BLNK: variants seen among roughly 807,000 people sequenced by gnomAD.
BLNK encodes the protein B-cell linker protein.
Under a neutral mutation model 73.5 loss-of-function variants are expected in BLNK, and 29 were observed. That is an observed-to-expected ratio of 0.39 (90% CI 0.29 to 0.54). BLNK has a LOEUF of 0.54. Among genes scored for constraint, BLNK ranks in the 20% least tolerant of loss-of-function variants. The probability of loss-of-function intolerance (pLI) is 0.61; values close to 1 mark genes in which losing one functional copy is unlikely to be tolerated. For missense variants in BLNK, 460 were observed against 562.8 expected, an observed-to-expected ratio of 0.82 and a Z score of 1.85; for synonymous variants, 176 against 200.8, an observed-to-expected ratio of 0.88 and a Z score of 1.04.
intron 1 of BLNK, among the ~76,000 whole-genome samples, chr10:96,262,213 G>A (rs1554913084): frequency 6.6e-6 from 1 of 152,176 alleles, no homozygotes; most frequent in Non-Finnish European, 1.5e-5. Context: ...GCTAGTGACA[G>A]ATGACTCAGT....
chr10:96,191,012 G>T lies in BLNK; in HGVS notation c.*961C>A, dbSNP rs1429026523. ...AGCTCCCATAATCCCCACGTGCCAT[G>T]GGAGGGACCTGGTGGGAGGTAACTG... On this transcript the variant is annotated 3_prime_UTR_variant, in exon 17 of 17. Coordinates refer to ENST00000224337, the MANE Select transcript of BLNK (RefSeq NM_013314.4). 6.6e-6 allele frequency among the ~76,000 whole-genome samples: 1 copy of T among 152,142 alleles called. No individual in the cohort carries two copies. The highest frequency in any genetic ancestry group is 2.4e-5 in the African/African-American group (1 of 41,424).
intron 2 of BLNK, among the ~76,000 whole-genome samples, chr10:96,244,103 C>T (rs1299702716): frequency 6.6e-6 from 1 of 152,128 alleles, no homozygotes; most frequent in African/African-American, 2.4e-5. Context: ...CATAGAAATT[C>T]TGGTTTTCTT....
chr10:96,191,850 C>A lies in BLNK; in HGVS notation c.*123G>T. On this transcript the variant is annotated 3_prime_UTR_variant, in exon 17 of 17. Coordinates refer to ENST00000224337, the MANE Select transcript of BLNK (RefSeq NM_013314.4). ...TGGATGACCACTTCAATAGCTGACT[C>A]CATCTTCCATTTTATTACTGGATGA... 7.5e-7 allele frequency: 1 copy of A among 1,330,648 alleles called. No homozygotes were observed. The highest frequency in any genetic ancestry group is 1.2e-5 in the South Asian group (1 of 81,676). 82.4% of individuals were successfully genotyped at this position (1,330,648 alleles called of 1,614,324 possible).
In BLNK at chr10:96,196,939, T is replaced by TA; in HGVS notation, c.1219dup (p.Tyr407LeufsTer10). ...ACCATTTTTCTTTCTGCCCAAGGCA[T>TA]ATTGTTTTGTTGCTTCAATAAATCG... On this transcript the variant is annotated frameshift_variant, in exon 16 of 17. Transcript: ENST00000224337. LOFTEE classifies it high-confidence loss of function. The TA allele has an allele frequency of 6.2e-7, 1 of 1,613,584 alleles. No individual in the cohort carries two copies. The highest frequency in any genetic ancestry group is 8.5e-7 in the Non-Finnish European group (1 of 1,179,776).
intron 1 of BLNK, among the ~76,000 whole-genome samples, chr10:96,247,853 A>T (rs1843114747): frequency 6.6e-6 from 1 of 152,204 alleles, no homozygotes; most frequent in Non-Finnish European, 1.5e-5. Flanking sequence ...TTTACATAGG[A>T]TGTAACCAAG....
At chr10:96,263,686 G>C (rs1843863268) in intron 1 of BLNK, among the ~76,000 whole-genome samples, 1 of 152,186 alleles carries the variant, frequency 6.6e-6, no homozygotes, top group Non-Finnish European at 1.5e-5. Context: ...TTGTGGGGAG[G>C]GCTCTTTTCT....
chr10:96,236,396 G>A (rs762258484), intron 3 of BLNK, among the ~76,000 whole-genome samples: 3 of 152,252 alleles, frequency 2.0e-5, no homozygotes, highest in African/African-American at 7.2e-5. Flanking sequence ...TACAGAGGCT[G>A]CAGGGGAGGC....
At chr10:96,246,027 T>G (rs181377076) in intron 2 of BLNK, among the ~76,000 whole-genome samples, 22 of 152,268 alleles carry the variant, frequency 1.4e-4, no homozygotes, top group African/African-American at 3.8e-4. Flanking sequence ...GAATACCATT[T>G]CCCATTTTCT....
chr10:96,251,502 T>C (rs1843284447), intron 1 of BLNK, among the ~76,000 whole-genome samples: 1 of 152,226 alleles, frequency 6.6e-6, no homozygotes, highest in Non-Finnish European at 1.5e-5. Flanking sequence ...ACTTTGATTA[T>C]CTCATTCAGA....
In BLNK at chr10:96,196,915, C is replaced by T. The variant is rs1466156518; in HGVS notation, c.1244G>A (p.Gly415Asp). ...TAAAAAGAAATCACTGACCTCTTCA[C>T]CATTTTTCTTTCTGCCCAAGGCATA... ...KQYALGRKKN[G>D]EEYFGSVAEI... is the part of the protein sequence containing the mutation. Residue 415 changes from glycine to aspartate, a missense_variant, in exon 16 of 17, where the codon GGT (glycine) becomes GAT (aspartate). Around this residue, in one of 3 missense-constraint regions of BLNK, gnomAD observed 88 missense variants for 143.4 expected, o/e 0.61. Coordinates refer to ENST00000224337, the MANE Select transcript of BLNK (RefSeq NM_013314.4). The T allele has an allele frequency of 1.2e-6, 2 of 1,613,250 alleles. No homozygotes were observed. Among genetic ancestry groups the T allele is most frequent in the Admixed American group, 3.3e-5 (2 of 60,008 alleles).
In BLNK at chr10:96,200,807, G is replaced by GA. The variant is rs1302015332; in HGVS notation, c.1011+174dup. Among the ~76,000 whole-genome samples, 4 of 151,334 alleles carry GA rather than the reference G, an allele frequency of 2.6e-5. No homozygotes were observed. The highest frequency in any genetic ancestry group is 4.4e-5 in the Non-Finnish European group (3 of 67,844). On this transcript the variant is annotated intron_variant, in intron 14 of 16. Coordinates refer to ENST00000224337, the MANE Select transcript of BLNK (RefSeq NM_013314.4). The surrounding 1 kb of genome is among the most constrained non-coding windows in gnomAD (Gnocchi z 4.3). ...TAACTGGAGCAATGTCTTAGTCATT[G>GA]AAAAAAAACAACAACTGGGTATTCT...
intron 1 of BLNK, among the ~76,000 whole-genome samples, chr10:96,269,767 G>A (rs1554915123): frequency 2.0e-5 from 3 of 152,072 alleles, no homozygotes; most frequent in Non-Finnish European, 4.4e-5. Flanking sequence ...AATCATACCA[G>A]GACCTTCAGG....
chr10:96,229,221 C>T (rs1156250953), intron 4 of BLNK, among the ~76,000 whole-genome samples: 3 of 142,158 alleles, frequency 2.1e-5, no homozygotes, highest in Non-Finnish European at 4.6e-5. Context: ...CTGTTTCCCT[C>T]CCCCCACCTG....
rs2083725321 is a variant in BLNK at position 96,203,948 on chromosome 10, G to A, written c.934+109C>T. On this transcript the variant is annotated intron_variant, in intron 13 of 16. Coordinates refer to ENST00000224337, the MANE Select transcript of BLNK (RefSeq NM_013314.4). Reference sequence around the variant, plus strand: ...AGGAAACAAGTGGGAGAAGATGCCAGGATAACGCAGCTGGAAGCGACAGTG... The same window carrying A: ...AGGAAACAAGTGGGAGAAGATGCCAAGATAACGCAGCTGGAAGCGACAGTG... 5.9e-6 allele frequency: 5 copies of A among 851,766 alleles called. No individual in the cohort carries two copies. In the Admixed American group the frequency reaches 9.6e-5, roughly 16 times the overall value. 52.8% of individuals were successfully genotyped at this position (851,766 alleles called of 1,614,324 possible).
chr10:96,243,791 C>A (rs1458403582), intron 2 of BLNK, among the ~76,000 whole-genome samples: 1 of 151,904 alleles, frequency 6.6e-6, no homozygotes, highest in South Asian at 2.1e-4. Context: ...CTGATACCTC[C>A]CTTTCCACTA....
intron 1 of BLNK, among the ~76,000 whole-genome samples, chr10:96,263,271 A>T (rs1843843361): frequency 6.6e-6 from 1 of 152,236 alleles, no homozygotes; most frequent in Non-Finnish European, 1.5e-5. Context: ...CCACACGCCC[A>T]GGAAGCTAGG....
chr10:96,199,733 A>G (rs2083577785), intron 15 of BLNK, among the ~76,000 whole-genome samples: 1 of 152,148 alleles, frequency 6.6e-6, no homozygotes, highest in Admixed American at 6.5e-5. Context: ...AAATGATCAG[A>G]CCTTGGCCGG....
chr10:96,242,651 G>A (rs1209307890), intron 3 of BLNK, 84 bp downstream of exon 3: 13 of 1,257,934 alleles, frequency 1.0e-5, no homozygotes, highest in African/African-American at 5.9e-5. Flanking sequence ...TGAGGATAGC[G>A]TATTTCCCTT....
At chr10:96,248,272 T>C (rs1416535977) in intron 1 of BLNK, among the ~76,000 whole-genome samples, 1 of 152,182 alleles carries the variant, frequency 6.6e-6, no homozygotes, top group African/African-American at 2.4e-5. Context: ...CCTTTCTCGA[T>C]TTACAAAGAA....
Sources: allele counts gnomAD v4.1 joint callset (sites outside exome capture counted in the v4.1 genomes callset), GRCh38; gene constraint gnomAD v4.1.1; regional missense constraint gnomAD v4.1.1; non-coding constraint Gnocchi (gnomAD v3.1); transcripts MANE v1.5; gene names NCBI Gene and HGNC (gene_info 2026-07-23, HGNC 2026-07-21).